TMEM131L: variants seen among roughly 807,000 people sequenced by gnomAD.
TMEM131L encodes transmembrane protein 131-like.
A neutral mutation model predicts 192.2 loss-of-function variants in TMEM131L; 54 were observed. The ratio of observed to expected loss-of-function variants is 0.28; its 90% CI spans 0.23 to 0.35. TMEM131L has a LOEUF of 0.35. Ranked by LOEUF, TMEM131L falls within the 10% of genes least tolerant of loss-of-function variation. The probability of loss-of-function intolerance (pLI) is 1.00; values close to 1 mark genes in which losing one functional copy is unlikely to be tolerated. For missense variants in TMEM131L, 1,888 were observed against 1,972.9 expected (o/e 0.96, Z 0.82); for synonymous variants, 701 against 704.9 (o/e 0.99, Z 0.09).
intron 3 of TMEM131L, among the ~76,000 whole-genome samples, chr4:153,501,649 G>T (rs1211959004): frequency 2.0e-5 from 3 of 152,180 alleles, no homozygotes; most frequent in African/African-American, 4.8e-5. Flanking sequence ...TGCTATGGTG[G>T]TGAAGAAGCA....
At chr4:153,470,153 T>C (rs1200895244) in intron 2 of TMEM131L, among the ~76,000 whole-genome samples, 1 of 152,156 alleles carries the variant, frequency 6.6e-6, no homozygotes, top group Admixed American at 6.5e-5. Context: ...TGGGTTTGAA[T>C]CTCAGCCCTA....
At chr4:153,548,708 G>A (rs1042958651) in intron 3 of TMEM131L, among the ~76,000 whole-genome samples, 6 of 152,204 alleles carry the variant, frequency 3.9e-5, no homozygotes, top group African/African-American at 1.4e-4. Flanking sequence ...GGTAAAGGCA[G>A]AAAGTGGAGG....
At chr4:153,495,761 T>C (rs1310304643) in intron 3 of TMEM131L, among the ~76,000 whole-genome samples, 1 of 152,112 alleles carries the variant, frequency 6.6e-6, no homozygotes, top group Non-Finnish European at 1.5e-5. Context: ...GGAATTTCCT[T>C]GTGGGTAAAT....
At chr4:153,517,464 G>T (rs1302143414) in intron 3 of TMEM131L, among the ~76,000 whole-genome samples, 2 of 151,266 alleles carry the variant, frequency 1.3e-5, no homozygotes, top group African/African-American at 4.8e-5. Context: ...GTAATATATA[G>T]TGTGTATTTT....
At chr4:153,524,266 C>T (rs1408813449) in intron 3 of TMEM131L, among the ~76,000 whole-genome samples, 2 of 151,812 alleles carry the variant, frequency 1.3e-5, no homozygotes, top group Non-Finnish European at 2.9e-5. Flanking sequence ...CCCAAGGACT[C>T]TGATGGACCT....
intron 21 of TMEM131L, among the ~76,000 whole-genome samples, chr4:153,601,670 G>A (rs1461753339): frequency 6.6e-6 from 1 of 152,142 alleles, no homozygotes; most frequent in Non-Finnish European, 1.5e-5. Context: ...TCTCATAATA[G>A]TATAGCACAT....
chr4:153,555,758 T>A lies in TMEM131L; in HGVS notation c.309-29T>A. On this transcript the variant is annotated intron_variant, in intron 4 of 34. Transcript: ENST00000409959. This position sits in a 1 kb window ranked among gnomAD's most constrained non-coding sequence, Gnocchi z 4.1. ...GTAATATTTATAACCACACAATACA[T>A]TGATTTTTCTCTTTGTTTCTCCTCC... 6.5e-7 allele frequency: 1 copy of A among 1,539,540 alleles called. No homozygotes were observed. Among genetic ancestry groups the A allele is most frequent in the East Asian group, 2.5e-5 (1 of 40,800 alleles).
intron 3 of TMEM131L, among the ~76,000 whole-genome samples, chr4:153,502,938 G>A (rs960731388): frequency 2.6e-5 from 4 of 151,402 alleles, no homozygotes; most frequent in Non-Finnish European, 5.9e-5. Flanking sequence ...TTTCTAGAAA[G>A]CCAATTACTG....
At chr4:153,533,229 C>T (rs749525902) in intron 3 of TMEM131L, among the ~76,000 whole-genome samples, 2 of 152,192 alleles carry the variant, frequency 1.3e-5, no homozygotes, top group Non-Finnish European at 2.9e-5. Context: ...ACTTTATCCA[C>T]CCGCCTTGGC....
At chr4:153,486,454 C>T (rs747194865) in intron 3 of TMEM131L, among the ~76,000 whole-genome samples, 1 of 152,312 alleles carries the variant, frequency 6.6e-6, no homozygotes, top group South Asian at 2.1e-4. Flanking sequence ...ACTCAACCAG[C>T]TCAAACAATA....
chr4:153,524,375 C>A (rs7686062), intron 3 of TMEM131L, among the ~76,000 whole-genome samples: 11,347 of 152,182 alleles, frequency 0.075, 794 homozygotes, highest in East Asian at 0.21. Flanking sequence ...TCCAGGTCTT[C>A]TCCCACAACA....
intron 19 of TMEM131L, among the ~76,000 whole-genome samples, chr4:153,594,627 TA>T (rs1731301650): frequency 6.6e-6 from 1 of 152,230 alleles, no homozygotes; most frequent in Admixed American, 6.5e-5. Flanking sequence ...GCGCCTTGGG[TA>T]TTTTCTTCTT....
intron 3 of TMEM131L, among the ~76,000 whole-genome samples, chr4:153,515,455 T>TTTGGCACAATGGA (rs1734664427): frequency 6.6e-6 from 1 of 152,266 alleles, no homozygotes; most frequent in Non-Finnish European, 1.5e-5. Context: ...TATTCCATTG[T>TTTGGCACAATGGA]ATAGATAGAT....
chr4:153,503,397 A>G (rs1733746360), intron 3 of TMEM131L, among the ~76,000 whole-genome samples: 2 of 152,222 alleles, frequency 1.3e-5, no homozygotes, highest in Non-Finnish European at 2.9e-5. Context: ...GTGACTTGGC[A>G]TAAAAGGGAC....
chr4:153,617,621 C>T (rs1047041562), intron 26 of TMEM131L, among the ~76,000 whole-genome samples: 9 of 152,162 alleles, frequency 5.9e-5, no homozygotes, highest in African/African-American at 2.2e-4. Context: ...CAAAATGCTA[C>T]CACTGAAAAG....
In TMEM131L at chr4:153,604,119, C is replaced by T; in HGVS notation, c.3107C>T (p.Ala1036Val). 1 of 1,614,158 alleles carries T rather than the reference C, an allele frequency of 6.2e-7. No individual in the cohort carries two copies. The highest frequency in any genetic ancestry group is 8.5e-7 in the Non-Finnish European group (1 of 1,180,018). ...GAGAACTGGATCAGCCTCAGATATGCAAGTGGCATAAATGTCAACCTGCAG... is the reference window on the plus strand; with the variant it reads ...GAGAACTGGATCAGCCTCAGATATGTAAGTGGCATAAATGTCAACCTGCAG... ...MRENWISLRY[A>V]SGINVNLQKN... The change falls in exon 25 of 35, where the codon GCA becomes GTA. Residue 1036 changes from alanine to valine, a missense_variant. Ala to Val is a moderately conservative substitution (Grantham distance 64). Transcript: ENST00000409959.
chr4:153,476,200 C>T (rs764921734), intron 3 of TMEM131L, among the ~76,000 whole-genome samples: 2 of 152,134 alleles, frequency 1.3e-5, no homozygotes, highest in East Asian at 3.8e-4. Flanking sequence ...CTCAGGTTAT[C>T]CGCCGGCCTC....
At chr4:153,624,014 C>G (rs1415348567) in intron 29 of TMEM131L, among the ~76,000 whole-genome samples, 1 of 151,688 alleles carries the variant, frequency 6.6e-6, no homozygotes, top group Non-Finnish European at 1.5e-5. Context: ...ATTCATATAT[C>G]CATCAACAAA....
At chr4:153,514,820 C>G (rs57457791) in intron 3 of TMEM131L, among the ~76,000 whole-genome samples, 19,086 of 149,300 alleles carry the variant, frequency 0.13, 2,555 homozygotes, top group African/African-American at 0.35. Context: ...TTTTTCTTTT[C>G]TTTTTTTTTT....
Sources: gnomAD v4.1 joint callset for allele counts (sites outside exome capture counted in the v4.1 genomes callset) on GRCh38, gnomAD v4.1.1 for gene constraint, Gnocchi (gnomAD v3.1) non-coding constraint, MANE v1.5 for transcripts, NCBI Gene and HGNC (gene_info 2026-07-23, HGNC 2026-07-21) for gene names.